Variants in VAT1L observed in about 807,000 individuals in gnomAD.
VAT1L encodes putative NADPH-dependent quinone oxidoreductase VAT1L.
VAT1L carries 34 observed loss-of-function variants against 44.1 expected under a neutral mutation model. The ratio of observed to expected loss-of-function variants is 0.77; its 90% CI spans 0.59 to 1.03. The LOEUF is 1.03. Among genes scored for constraint, VAT1L ranks in the 50% least tolerant of loss-of-function variants. The probability of loss-of-function intolerance (pLI) is 0.00; values close to 1 mark genes in which losing one functional copy is unlikely to be tolerated. For synonymous variants in VAT1L, 253 were observed against 202.2 expected (o/e 1.25, Z -2.13); for missense variants, 615 against 538.8 (o/e 1.14, Z -1.40).
intron 3 of VAT1L, among the ~76,000 whole-genome samples, chr16:77,858,749 T>C (rs1219218515): frequency 2.0e-5 from 3 of 152,102 alleles, no homozygotes; most frequent in Non-Finnish European, 2.9e-5. Flanking sequence ...ATGCCTGTAA[T>C]CCTAGTGGTT....
At chr16:77,818,595 T>C (rs1327941547) in intron 2 of VAT1L, among the ~76,000 whole-genome samples, 3 of 152,186 alleles carry the variant, frequency 2.0e-5, no homozygotes, top group East Asian at 1.9e-4. Context: ...TATTTTAGAA[T>C]ATAACAGGAA....
At chr16:77,909,521 C>T (rs1225466138) in intron 7 of VAT1L, among the ~76,000 whole-genome samples, 2 of 151,718 alleles carry the variant, frequency 1.3e-5, no homozygotes, top group African/African-American at 4.8e-5. Context: ...CCTCTAATCC[C>T]AGCTACTTGG....
At chr16:77,817,194 A>G (rs2016371364) in intron 2 of VAT1L, 144 bp downstream of exon 2, 1 of 1,311,802 alleles carries the variant, frequency 7.6e-7, no homozygotes, top group African/African-American at 1.5e-5. Context: ...GACAATGTTT[A>G]TAGTCATTAA....
chr16:77,905,783 T>C (rs940265058), intron 7 of VAT1L, among the ~76,000 whole-genome samples: 3 of 152,220 alleles, frequency 2.0e-5, no homozygotes, highest in African/African-American at 7.2e-5. Context: ...TTTATAAGCT[T>C]ATCATAGGCC....
chr16:77,950,875 T>C (rs1048941263), intron 7 of VAT1L, among the ~76,000 whole-genome samples: 1 of 152,174 alleles, frequency 6.6e-6, no homozygotes. Flanking sequence ...GGTAATCAAA[T>C]AATGGATGAA....
intron 7 of VAT1L, among the ~76,000 whole-genome samples, chr16:77,887,287 A>G (rs1489127659): frequency 6.6e-6 from 1 of 152,166 alleles, no homozygotes; most frequent in Non-Finnish European, 1.5e-5. Flanking sequence ...GTTTTACTCT[A>G]AGCAGCAGGG....
At chr16:77,807,979 A>G (rs1467756282) in intron 1 of VAT1L, among the ~76,000 whole-genome samples, 1 of 152,050 alleles carries the variant, frequency 6.6e-6, no homozygotes, top group Non-Finnish European at 1.5e-5. Flanking sequence ...GTACATTAGC[A>G]TGTGCCATGG....
At chr16:77,868,970 C>T (rs1381076915) in intron 4 of VAT1L, among the ~76,000 whole-genome samples, 1 of 152,030 alleles carries the variant, frequency 6.6e-6, no homozygotes, top group African/African-American at 2.4e-5. Context: ...CTTGAAAGCT[C>T]TTAAATGGAG....
intron 7 of VAT1L, among the ~76,000 whole-genome samples, chr16:77,964,715 A>C (rs1246651427): frequency 2.2e-5 from 3 of 136,004 alleles, no homozygotes; most frequent in Non-Finnish European, 3.1e-5. Context: ...TAACTGGGTC[A>C]CTCTCCCCCA....
rs922505073 is a variant in VAT1L, at chr16:77,789,362, T to G, written c.233+447T>G. Reference sequence around the variant, plus strand: ...TTAATACTTCCTGGGACCTAATGAGTCAGGTGCCATCATGATCCGTTTACA... The same window carrying G: ...TTAATACTTCCTGGGACCTAATGAGGCAGGTGCCATCATGATCCGTTTACA... On this transcript the variant is annotated intron_variant, in intron 1 of 8. Coordinates refer to ENST00000302536, the MANE Select transcript of VAT1L (RefSeq NM_020927.3). Among the ~76,000 whole-genome samples, 13 of 151,946 alleles carry G rather than the reference T, an allele frequency of 8.6e-5. No individual in the cohort carries two copies. The East Asian group carries it at 2.5e-3, about 29-fold the overall frequency.
intron 7 of VAT1L, among the ~76,000 whole-genome samples, chr16:77,958,718 T>C (rs1332757412): frequency 6.6e-6 from 1 of 152,240 alleles, no homozygotes; most frequent in Non-Finnish European, 1.5e-5. Flanking sequence ...ACGACCATGA[T>C]GTATATTTGA....
intron 2 of VAT1L, among the ~76,000 whole-genome samples, chr16:77,822,366 C>A (rs942091970): frequency 6.6e-6 from 1 of 152,108 alleles, no homozygotes; most frequent in Admixed American, 6.5e-5. Flanking sequence ...ACTCCCGAGA[C>A]CTCAGCCTCC....
intron 3 of VAT1L, among the ~76,000 whole-genome samples, chr16:77,832,813 A>C (rs1454596925): frequency 6.6e-6 from 1 of 152,228 alleles, no homozygotes; most frequent in Non-Finnish European, 1.5e-5. Flanking sequence ...TATGTGCCTG[A>C]GCACTTGTGG....
chr16:77,912,406 G>A (rs1190909018), intron 7 of VAT1L, among the ~76,000 whole-genome samples: 1 of 152,122 alleles, frequency 6.6e-6, no homozygotes, highest in Non-Finnish European at 1.5e-5. Context: ...GAGGCTGAGT[G>A]AATGGGGACA....
At chr16:77,955,919 A>G (rs976981838) in intron 7 of VAT1L, among the ~76,000 whole-genome samples, 2 of 152,134 alleles carry the variant, frequency 1.3e-5, no homozygotes, top group Non-Finnish European at 2.9e-5. Flanking sequence ...CAGTGCATCA[A>G]GCCTGTGGTT....
At chr16:77,817,713 T>C (rs1171688753) in intron 2 of VAT1L, among the ~76,000 whole-genome samples, 3 of 152,140 alleles carry the variant, frequency 2.0e-5, no homozygotes, top group Non-Finnish European at 2.9e-5. Flanking sequence ...CTTTTTTAAT[T>C]TGTAAAAAGA....
At chr16:77,840,067 TC>T (rs2016689163) in intron 3 of VAT1L, among the ~76,000 whole-genome samples, 1 of 152,088 alleles carries the variant, frequency 6.6e-6, no homozygotes. Context: ...GCAAAACACC[TC>T]CCCTCCTAAG....
intron 2 of VAT1L, among the ~76,000 whole-genome samples, chr16:77,818,098 C>T (rs2145237500): frequency 6.6e-6 from 1 of 152,304 alleles, no homozygotes; most frequent in South Asian, 2.1e-4. Flanking sequence ...ATCCTTCCTA[C>T]AGTCTCATGA....
chr16:77,915,948 G>A (rs931600884), intron 7 of VAT1L, among the ~76,000 whole-genome samples: 2 of 152,072 alleles, frequency 1.3e-5, no homozygotes, highest in African/African-American at 2.4e-5. Flanking sequence ...CTACTGGGGC[G>A]CTATGAGAAG....
Sources: gnomAD v4.1 joint callset for allele counts (sites outside exome capture counted in the v4.1 genomes callset) on GRCh38, gnomAD v4.1.1 for gene constraint, MANE v1.5 for transcripts, NCBI Gene and HGNC (gene_info 2026-07-23, HGNC 2026-07-21) for gene names.